LARGE1: variants seen among roughly 807,000 people sequenced by gnomAD.
LARGE1 encodes LARGE xylosyl- and glucuronyltransferase 1, also known as xylosyl- and glucuronyltransferase LARGE1.
Under a neutral mutation model 87.6 loss-of-function variants are expected in LARGE1, and 43 were observed. The ratio of observed to expected loss-of-function variants is 0.49; its 90% CI spans 0.38 to 0.63. The LOEUF (loss-of-function observed/expected upper bound fraction) is 0.63. LARGE1 is among the 30% of genes least tolerant of loss of function. LARGE1 has a pLI of 0.00. For synonymous variants in LARGE1, 434 were observed against 394.6 expected, an observed-to-expected ratio of 1.10 and a Z score of -1.18; for missense variants, 802 against 1,000.2, an observed-to-expected ratio of 0.80 and a Z score of 2.67.
chr22:33,600,108 A>C (rs2079075797), intron 5 of LARGE1, among the ~76,000 whole-genome samples: 1 of 152,190 alleles, frequency 6.6e-6, no homozygotes, highest in Non-Finnish European at 1.5e-5. Context: ...TGGGCTCTAC[A>C]GTGATAAAGA....
intron 2 of LARGE1, among the ~76,000 whole-genome samples, chr22:33,757,364 C>T (rs1223332873): frequency 6.6e-6 from 1 of 152,178 alleles, no homozygotes; most frequent in Non-Finnish European, 1.5e-5. Context: ...TCACTTACAT[C>T]AGACGTTAGA....
At chr22:33,856,148 A>G (rs1437940970) in intron 1 of LARGE1, among the ~76,000 whole-genome samples, 2 of 152,198 alleles carry the variant, frequency 1.3e-5, no homozygotes, top group Non-Finnish European at 2.9e-5. Context: ...CAAGAACCAA[A>G]CTTCCACTGA....
At chr22:33,526,271 T>G (rs2071889984) in intron 6 of LARGE1, among the ~76,000 whole-genome samples, 1 of 152,234 alleles carries the variant, frequency 6.6e-6, no homozygotes, top group Admixed American at 6.5e-5. Context: ...AGAGCCTGTC[T>G]TAAGAGTTTC....
At chr22:33,779,779 T>A (rs1300572865) in intron 1 of LARGE1, among the ~76,000 whole-genome samples, 1 of 133,462 alleles carries the variant, frequency 7.5e-6, no homozygotes, top group African/African-American at 2.5e-5. Context: ...AGAGCAAAAC[T>A]CTTGTTTCAA....
At chr22:33,079,132 T>C in the LARGE1 span, among the ~76,000 whole-genome samples, 1 of 151,756 alleles carries the variant, frequency 6.6e-6, no homozygotes, top group Non-Finnish European at 1.5e-5. Context: ...TCCCTAGTAG[T>C]GTAGGGTGAT....
At chr22:33,579,154 A>C (rs1264636183) in intron 5 of LARGE1, among the ~76,000 whole-genome samples, 1 of 152,116 alleles carries the variant, frequency 6.6e-6, no homozygotes, top group Non-Finnish European at 1.5e-5. Context: ...GTGTTGTGGG[A>C]GGGACCTGGT....
intron 11 of LARGE1, among the ~76,000 whole-genome samples, chr22:33,267,157 T>G (rs1927996141): frequency 6.6e-6 from 1 of 151,678 alleles, no homozygotes. Flanking sequence ...CAAGAACTGC[T>G]GGAATCCGGG....
At chr22:33,852,191 T>G (rs1165733847) in intron 1 of LARGE1, among the ~76,000 whole-genome samples, 2 of 152,180 alleles carry the variant, frequency 1.3e-5, no homozygotes, top group Non-Finnish European at 2.9e-5. Flanking sequence ...TACTTTGTAC[T>G]TTTTAAAAAT....
At position 33,248,148 on chromosome 22, in the gene LARGE1, C is replaced by T. The variant is rs544802940; in HGVS notation, c.1730+56081G>A. ...ACAGCAAAATTCAGAGAGAAAGATACAGAGAGTTTCCATACGCCACCTTCC... is the reference window on the plus strand; with the variant it reads ...ACAGCAAAATTCAGAGAGAAAGATATAGAGAGTTTCCATACGCCACCTTCC... On this transcript the variant is annotated intron_variant, in intron 11 of 11. Transcript: ENST00000608642. Among the ~76,000 whole-genome samples, 216 of 152,124 alleles carry T rather than the reference C, an allele frequency of 1.4e-3. 1 individual carries two copies. Among genetic ancestry groups the T allele is most frequent in the Non-Finnish European group, 2.7e-3 (181 of 67,984 alleles).
chr22:33,811,428 AT>A (rs202056070), intron 1 of LARGE1, among the ~76,000 whole-genome samples: 1,605 of 152,336 alleles, frequency 0.011, 10 homozygotes, highest in Middle Eastern at 0.058. Context: ...CTGGAGAAGT[AT>A]GCCAATCTCA....
At chr22:33,633,494 G>GA (rs925112084) in intron 3 of LARGE1, among the ~76,000 whole-genome samples, 3 of 152,126 alleles carry the variant, frequency 2.0e-5, no homozygotes, top group Non-Finnish European at 2.9e-5. Context: ...TAAATATGGG[G>GA]AAAAAAATCA....
the LARGE1 span, among the ~76,000 whole-genome samples, chr22:33,144,228 G>A: frequency 2.0e-5 from 3 of 152,064 alleles, no homozygotes; most frequent in African/African-American, 7.2e-5. Flanking sequence ...CAATTTGAAG[G>A]CATGTTCTAA....
the LARGE1 span, among the ~76,000 whole-genome samples, chr22:33,117,783 C>T: frequency 6.6e-6 from 1 of 152,150 alleles, no homozygotes; most frequent in Non-Finnish European, 1.5e-5. Context: ...GATTACTGGA[C>T]CCATGGAGCA....
At chr22:33,788,511 C>T (rs1397065716) in intron 1 of LARGE1, among the ~76,000 whole-genome samples, 1 of 152,140 alleles carries the variant, frequency 6.6e-6, no homozygotes, top group Non-Finnish European at 1.5e-5. Flanking sequence ...GTTTGGAGGG[C>T]TCAGAAGAGG....
intron 4 of LARGE1, among the ~76,000 whole-genome samples, chr22:33,620,392 A>T (rs1294813566): frequency 6.6e-6 from 1 of 152,166 alleles, no homozygotes; most frequent in East Asian, 1.9e-4. Context: ...CTTGAAGAGC[A>T]GCAATATTTC....
At chr22:33,302,383 C>A (rs990306370) in intron 12 of LARGE1, among the ~76,000 whole-genome samples, 1 of 152,118 alleles carries the variant, frequency 6.6e-6, no homozygotes, top group African/African-American at 2.4e-5. Flanking sequence ...GGTCGCTGAC[C>A]CTACTGTTTT....
intron 11 of LARGE1, among the ~76,000 whole-genome samples, chr22:33,173,849 T>C (rs1219798314): frequency 2.0e-5 from 3 of 152,144 alleles, no homozygotes; most frequent in African/African-American, 7.2e-5. Context: ...AGCAAGTTCT[T>C]AGAGGCCTAC....
chr22:33,796,340 T>C (rs1393937128), intron 1 of LARGE1, among the ~76,000 whole-genome samples: 1 of 152,086 alleles, frequency 6.6e-6, no homozygotes, highest in Non-Finnish European at 1.5e-5. Flanking sequence ...ATTCAGAATA[T>C]CAGAAAAGAG....
the LARGE1 span, among the ~76,000 whole-genome samples, chr22:33,128,877 C>T: frequency 6.6e-6 from 1 of 152,082 alleles, no homozygotes. Context: ...TTCTCACTTA[C>T]AAGTGGGAGC....
Sources: gnomAD v4.1 joint callset for allele counts (sites outside exome capture counted in the v4.1 genomes callset) on GRCh38, gnomAD v4.1.1 for gene constraint, MANE v1.5 for transcripts, NCBI Gene and HGNC (gene_info 2026-07-23, HGNC 2026-07-21) for gene names.